The following KHDRBS2 variants were observed in gnomAD, a reference collection of about 807,000 sequenced individuals.
KHDRBS2 encodes the protein KH RNA binding domain containing, signal transduction associated 2.
Under a neutral mutation model 44.3 loss-of-function variants are expected in KHDRBS2, and 26 were observed. That is an observed-to-expected ratio of 0.59 (90% CI 0.43 to 0.81). The LOEUF is 0.81. KHDRBS2 is among the 40% of genes least tolerant of loss of function. KHDRBS2 has a pLI of 0.00. For synonymous variants in KHDRBS2, 194 were observed against 151.1 expected, an observed-to-expected ratio of 1.28 and a Z score of -2.08; for missense variants, 476 against 433.1, an observed-to-expected ratio of 1.10 and a Z score of -0.88.
intron 8 of KHDRBS2, among the ~76,000 whole-genome samples, chr6:61,681,266 T>C (rs1766261855): frequency 6.6e-6 from 1 of 151,870 alleles, no homozygotes; most frequent in African/African-American, 2.4e-5. Flanking sequence ...TAGATTTAAA[T>C]GCCACAAAAT....
the KHDRBS2 span, among the ~76,000 whole-genome samples, chr6:61,573,644 C>T: frequency 2.6e-5 from 4 of 151,964 alleles, no homozygotes; most frequent in South Asian, 8.3e-4. Context: ...ACAAAATTAG[C>T]CTGCTGTGGT....
At chr6:62,065,436 T>A (rs1337585504) in intron 2 of KHDRBS2, among the ~76,000 whole-genome samples, 1 of 128,684 alleles carries the variant, frequency 7.8e-6, no homozygotes, top group South Asian at 2.5e-4. Context: ...ATATACACCA[T>A]GGAATACTAT....
intron 2 of KHDRBS2, among the ~76,000 whole-genome samples, chr6:62,145,835 ATTTTGTTT>A (rs757540882): frequency 3.3e-5 from 5 of 151,874 alleles, no homozygotes; most frequent in Non-Finnish European, 7.4e-5. Flanking sequence ...CCTAACACAA[ATTTTGTTT>A]CATGCATAAA....
rs1331082463 is a variant in KHDRBS2, at chr6:62,198,446, T to C, written c.92-21134A>G. Among the ~76,000 whole-genome samples the C allele has an allele frequency of 1.1e-4, 17 of 152,250 alleles. No individual in the cohort carries two copies. The South Asian group carries it at 3.3e-3, about 30-fold the overall frequency. On this transcript the variant is annotated intron_variant, in intron 1 of 8. Coordinates refer to ENST00000281156, the MANE Select transcript of KHDRBS2 (RefSeq NM_152688.4). ...AGAAATGCAAACTACCATCAGAGAATACTATAAACACCTCTACGCAAATAA... is the reference window on the plus strand; with the variant it reads ...AGAAATGCAAACTACCATCAGAGAACACTATAAACACCTCTACGCAAATAA...
the KHDRBS2 span, among the ~76,000 whole-genome samples, chr6:61,560,161 G>T: frequency 6.6e-6 from 1 of 152,086 alleles, no homozygotes; most frequent in Non-Finnish European, 1.5e-5. Context: ...CCACTGAAAA[G>T]TTTGCTGTTA....
At position 61,847,245 on chromosome 6, in the gene KHDRBS2, A is replaced by G. The variant is rs1346733637; in HGVS notation, c.810+47390T>C. ...AAGGGAAGAGATTTCTTTCTTCTCC[A>G]TTTTCTCAGAGACTTTACTTTAGAA... On this transcript the variant is annotated intron_variant, in intron 6 of 8. Transcript: ENST00000281156. Among the ~76,000 whole-genome samples, 3 of 152,228 alleles carry G rather than the reference A, an allele frequency of 2.0e-5. No individual in the cohort carries two copies. The East Asian group carries it at 5.8e-4, about 29-fold the overall frequency.
rs867589268 is a variant in KHDRBS2, at chr6:62,117,140, A to T, written c.219+60045T>A. Among the ~76,000 whole-genome samples the T allele has an allele frequency of 3.4e-4, 52 of 152,220 alleles. No homozygotes were observed. The Middle Eastern group carries it at 0.017, about 50-fold the overall frequency. On this transcript the variant is annotated intron_variant, in intron 2 of 8. Transcript: ENST00000281156. ...TGGTGAGATTTCTAGATCATATGGT[A>T]AATCTAGTTTTATTTTTTTTTGAGG...
chr6:62,087,239 G>C (rs1361866148), intron 2 of KHDRBS2, among the ~76,000 whole-genome samples: 1 of 151,916 alleles, frequency 6.6e-6, no homozygotes, highest in African/African-American at 2.4e-5. Flanking sequence ...AGAAGGATAT[G>C]GTCATAAAAT....
At chr6:62,234,941 A>C (rs1321923497) in intron 1 of KHDRBS2, among the ~76,000 whole-genome samples, 3 of 152,004 alleles carry the variant, frequency 2.0e-5, no homozygotes, top group Admixed American at 6.6e-5. Context: ...AAATTATAAT[A>C]TTTAAAATGC....
At chr6:61,768,604 C>T (rs1350033408) in intron 6 of KHDRBS2, among the ~76,000 whole-genome samples, 1 of 151,788 alleles carries the variant, frequency 6.6e-6, no homozygotes. Flanking sequence ...TCTTCAGGTT[C>T]ACTAATTCTT....
intron 2 of KHDRBS2, among the ~76,000 whole-genome samples, chr6:62,073,467 T>C (rs971978689): frequency 1.3e-5 from 2 of 151,366 alleles, no homozygotes; most frequent in South Asian, 2.1e-4. Context: ...AGTCTAATTG[T>C]TTGCTAATTT....
intron 2 of KHDRBS2, among the ~76,000 whole-genome samples, chr6:62,068,863 C>A (rs192392585): frequency 6.3e-4 from 95 of 151,740 alleles, no homozygotes; most frequent in African/African-American, 2.2e-3. Flanking sequence ...TTGTTTTAAT[C>A]TTTATGCTAA....
intron 2 of KHDRBS2, among the ~76,000 whole-genome samples, chr6:62,099,551 C>T (rs890812300): frequency 3.9e-5 from 6 of 152,196 alleles, no homozygotes; most frequent in African/African-American, 1.4e-4. Context: ...TCCAGATGCC[C>T]TGTCCATGAT....
intron 7 of KHDRBS2, among the ~76,000 whole-genome samples, chr6:61,730,380 T>C (rs1200566072): frequency 6.6e-6 from 1 of 151,838 alleles, no homozygotes; most frequent in African/African-American, 2.4e-5. Context: ...GTAGAACATA[T>C]TAGGCTCGAC....
chr6:61,729,302 GAAC>G (rs1387879851), intron 7 of KHDRBS2, among the ~76,000 whole-genome samples: 1 of 152,054 alleles, frequency 6.6e-6, no homozygotes, highest in Non-Finnish European at 1.5e-5. Context: ...ACATAGAGGG[GAAC>G]AACACACACT....
chr6:62,079,426 C>A (rs185920226), intron 2 of KHDRBS2, among the ~76,000 whole-genome samples: 1 of 151,850 alleles, frequency 6.6e-6, no homozygotes, highest in African/African-American at 2.4e-5. Context: ...CAGCATTTAA[C>A]AATAATTAAA....
intron 6 of KHDRBS2, among the ~76,000 whole-genome samples, chr6:61,779,025 T>C (rs1413960645): frequency 3.9e-5 from 6 of 152,226 alleles, no homozygotes. Flanking sequence ...CTCAAGTTTC[T>C]AATTGCTTTA....
At chr6:62,096,490 T>C (rs1800633431) in intron 2 of KHDRBS2, among the ~76,000 whole-genome samples, 1 of 151,934 alleles carries the variant, frequency 6.6e-6, no homozygotes, top group Non-Finnish European at 1.5e-5. Flanking sequence ...TTCTTCTAGC[T>C]TTTCCAATAT....
At chr6:61,691,121 GTAATCACGGTTAA>G (rs1767354541) in intron 8 of KHDRBS2, among the ~76,000 whole-genome samples, 1 of 152,156 alleles carries the variant, frequency 6.6e-6, no homozygotes, top group African/African-American at 2.4e-5. Context: ...CCTAAAATGT[GTAATCACGGTTAA>G]TAATCTCTGA....
Sources: gnomAD v4.1 joint callset for allele counts (sites outside exome capture counted in the v4.1 genomes callset) on GRCh38, gnomAD v4.1.1 for gene constraint, MANE v1.5 for transcripts, NCBI Gene and HGNC (gene_info 2026-07-23, HGNC 2026-07-21) for gene names.